Variants in ZNF782 observed in about 807,000 individuals in gnomAD.
ZNF782 encodes zinc finger protein 782.
In ZNF782, 12 loss-of-function variants were observed where a neutral mutation model predicts 13.0. The ratio of observed to expected loss-of-function variants is 0.92; its 90% confidence interval spans 0.59 to 1.50. The LOEUF is 1.50. Among genes scored for constraint, ZNF782 ranks in the 40% most tolerant of loss-of-function variants. The pLI is 0.00. For synonymous variants in ZNF782, 284 were observed against 283.0 expected, an observed-to-expected ratio of 1.00 and a Z score of -0.04; for missense variants, 770 against 822.9, an observed-to-expected ratio of 0.94 and a Z score of 0.79.
chr9:96,855,402 C>T (rs546748781), upstream of ZNF782, among the ~76,000 whole-genome samples: 1 of 152,228 alleles, frequency 6.6e-6, no homozygotes, highest in East Asian at 1.9e-4. Flanking sequence ...TCCCTTGCCC[C>T]GCTGCCCTCC....
chr9:96,837,953 T>C (rs1851052410), intron 4 of ZNF782, among the ~76,000 whole-genome samples: 1 of 152,206 alleles, frequency 6.6e-6, no homozygotes, highest in Non-Finnish European at 1.5e-5. Context: ...CTTGAGCTCC[T>C]GGGTTCAAGT....
the ZNF782 span, among the ~76,000 whole-genome samples, chr9:96,931,402 T>A: frequency 1.3e-5 from 2 of 151,666 alleles, no homozygotes; most frequent in Non-Finnish European, 2.9e-5. Context: ...GACTCATCCC[T>A]GACCCACGGC....
chr9:96,907,663 G>C, the ZNF782 span, among the ~76,000 whole-genome samples: 2 of 150,994 alleles, frequency 1.3e-5, no homozygotes, highest in Non-Finnish European at 2.9e-5. Flanking sequence ...GTGTAAGACA[G>C]AGTTTCACTC....
the ZNF782 span, among the ~76,000 whole-genome samples, chr9:96,912,443 G>A: frequency 1.7e-4 from 25 of 150,160 alleles, no homozygotes; most frequent in East Asian, 4.5e-3. Flanking sequence ...GCAGTGAGCC[G>A]AGATCGTGCC....
the ZNF782 span, among the ~76,000 whole-genome samples, chr9:96,923,458 C>A: frequency 1.4e-5 from 2 of 141,848 alleles, no homozygotes; most frequent in Non-Finnish European, 3.0e-5. Flanking sequence ...ATTGAAATGG[C>A]CATACACAAC....
the ZNF782 span, chr9:96,895,560 A>G: frequency 6.6e-6 from 1 of 151,478 alleles, no homozygotes; most frequent in Non-Finnish European, 1.5e-5. Context: ...GCCTTCCCCA[A>G]AGGGACCTAT....
rs1563990408 is a variant in ZNF782 at position 96,818,198 on chromosome 9, G to C, written c.1825C>G (p.Gln609Glu). ...FRQKSNLRGH[Q>E]RTHTGEKPYE... is the part of the protein sequence containing the mutation. ...GGCTTCTCCCCAGTGTGAGTTCTCTGATGCCCTCTGAGATTTGATTTCTGC... is the reference window on the plus strand; with the variant it reads ...GGCTTCTCCCCAGTGTGAGTTCTCTCATGCCCTCTGAGATTTGATTTCTGC... Residue 609 changes from glutamine to glutamate, a missense_variant, in exon 6 of 6, where the codon CAG (glutamine) becomes GAG (glutamate). By Grantham distance (29) the Gln-to-Glu change is conservative. Coordinates refer to ENST00000481138, the MANE Select transcript of ZNF782 (RefSeq NM_001001662.3). The C allele has an allele frequency of 1.9e-6, 3 of 1,614,072 alleles. No homozygotes were observed. Among genetic ancestry groups the C allele is most frequent in the Non-Finnish European group, 2.5e-6 (3 of 1,180,006 alleles).
intron 1 of ZNF782, among the ~76,000 whole-genome samples, chr9:96,874,529 T>A (rs180887204): frequency 6.6e-6 from 1 of 152,270 alleles, no homozygotes; most frequent in Admixed American, 6.5e-5. Context: ...CTCCCCTTGG[T>A]CTTCTCAAAG....
chr9:96,878,749 T>C (rs1851925876), upstream of ZNF782, among the ~76,000 whole-genome samples: 1 of 152,242 alleles, frequency 6.6e-6, no homozygotes, highest in African/African-American at 2.4e-5. Flanking sequence ...GCAAATAGCA[T>C]TGTTCATGCA....
upstream of ZNF782, among the ~76,000 whole-genome samples, chr9:96,879,558 C>G (rs1175851417): frequency 4.6e-5 from 7 of 152,116 alleles, no homozygotes; most frequent in Non-Finnish European, 8.8e-5. Context: ...ATAAAAGGGA[C>G]TTTTACAAAG....
chr9:96,825,086 C>A lies in ZNF782; in HGVS notation c.244+1994G>T, dbSNP rs201917270. On this transcript the variant is annotated intron_variant, in intron 5 of 5. Transcript: ENST00000481138. ...AGTTCATATGGAACCAAAAAAGAGC[C>A]CGCATCGCCAAGTCAATCCTAAGCA... 3.0e-3 allele frequency among the ~76,000 whole-genome samples: 451 copies of A among 151,916 alleles called. 14 individuals carry two copies. The East Asian group carries it at 0.055, about 18-fold the overall frequency.
upstream of ZNF782, among the ~76,000 whole-genome samples, chr9:96,880,246 AT>A (rs892386439): frequency 6.8e-6 from 1 of 146,150 alleles, no homozygotes; most frequent in African/African-American, 2.5e-5. Flanking sequence ...GGATAGATTT[AT>A]TTTTTCTTTC....
At chr9:96,865,037 C>A (rs1851740854) in intron 1 of ZNF782, among the ~76,000 whole-genome samples, 1 of 151,982 alleles carries the variant, frequency 6.6e-6, no homozygotes, top group Non-Finnish European at 1.5e-5. Context: ...CAGAGCAAGA[C>A]CCTGTCTCTT....
chr9:96,930,884 T>G, the ZNF782 span, among the ~76,000 whole-genome samples: 3 of 68,496 alleles, frequency 4.4e-5, no homozygotes, highest in Admixed American at 2.7e-4. Context: ...TTTTTTTTTT[T>G]TTTTTTTTTT....
At chr9:96,881,657 T>A in the ZNF782 span, among the ~76,000 whole-genome samples, 3 of 152,140 alleles carry the variant, frequency 2.0e-5, 1 homozygote, top group Non-Finnish European at 4.4e-5. Context: ...CATCATTATT[T>A]ATGGAAAAGA....
At chr9:96,822,437 A>T (rs1283156506) in intron 5 of ZNF782, among the ~76,000 whole-genome samples, 1 of 151,980 alleles carries the variant, frequency 6.6e-6, no homozygotes, top group Non-Finnish European at 1.5e-5. Context: ...CACATCTATC[A>T]AGTAGGTTGT....
chr9:96,832,586 C>T (rs1425489350), intron 4 of ZNF782, among the ~76,000 whole-genome samples: 3 of 152,048 alleles, frequency 2.0e-5, no homozygotes, highest in Non-Finnish European at 2.9e-5. Flanking sequence ...CCTTCATTTC[C>T]AAGAGATATT....
At position 96,818,986 on chromosome 9, in the gene ZNF782, G is replaced by A; in HGVS notation, c.1037C>T (p.Thr346Ile). Residue 346 changes from threonine (T) to isoleucine (I), a missense_variant, in exon 6 of 6, where the codon ACA becomes ATA. Thr to Ile is a moderately conservative substitution (Grantham distance 89). Coordinates refer to ENST00000481138, the MANE Select transcript of ZNF782 (RefSeq NM_001001662.3). Reference sequence around the variant, plus strand: ...ACTGAAAGTTGACTGGTAGCTGAATGTCTCTGTACATGGGTGATAATCAGA... The same window carrying A: ...ACTGAAAGTTGACTGGTAGCTGAATATCTCTGTACATGGGTGATAATCAGA... ...KYSDYHPCTE[T>I]FSYQSTFSVH... 1.9e-6 allele frequency: 3 copies of A among 1,614,150 alleles called. No individual in the cohort carries two copies. Among genetic ancestry groups the A allele is most frequent in the Non-Finnish European group, 2.5e-6 (3 of 1,179,998 alleles).
chr9:96,897,458 T>C, the ZNF782 span, among the ~76,000 whole-genome samples: 1 of 152,152 alleles, frequency 6.6e-6, no homozygotes, highest in Non-Finnish European at 1.5e-5. Flanking sequence ...CTTCTCAGGA[T>C]TGGAAGGTGC....
Sources: gnomAD v4.1 joint callset for allele counts (sites outside exome capture counted in the v4.1 genomes callset) on GRCh38, gnomAD v4.1.1 for gene constraint, MANE v1.5 for transcripts, NCBI Gene and HGNC (gene_info 2026-07-23, HGNC 2026-07-21) for gene names.